The following GARIN3 variants were observed in gnomAD, a reference collection of about 807,000 sequenced individuals.
The protein encoded by GARIN3 is Golgi-associated RAB2 interactor protein 3.
the GARIN3 span, among the ~76,000 whole-genome samples, chr5:157,163,901 C>A: frequency 6.6e-6 from 1 of 151,944 alleles, no homozygotes; most frequent in Non-Finnish European, 1.5e-5. Flanking sequence ...ACTAAAAATA[C>A]AAAAAATTAG....
chr5:157,163,228 A>C, the GARIN3 span: 1 of 1,613,988 alleles, frequency 6.2e-7, no homozygotes, highest in Admixed American at 1.7e-5. Flanking sequence ...TGCAGCACCC[A>C]CCAAGGCCAA....
At chr5:157,162,656 A>C in the GARIN3 span, 1 of 1,614,198 alleles carries the variant, frequency 6.2e-7, no homozygotes, top group Non-Finnish European at 8.5e-7. Flanking sequence ...CTCCTTAAAA[A>C]AGAGCTGATC....
chr5:157,166,212 C>T, the GARIN3 span: 2 of 1,572,614 alleles, frequency 1.3e-6, no homozygotes, highest in African/African-American at 1.4e-5. Flanking sequence ...CAAATAGAGT[C>T]CCCGAGAGAG....
the GARIN3 span, chr5:157,163,037 C>T: frequency 6.2e-7 from 1 of 1,614,274 alleles, no homozygotes; most frequent in East Asian, 2.2e-5. Context: ...CCATCTCGTT[C>T]ACTCATGTAG....
At chr5:157,163,717 T>G in the GARIN3 span, 2 of 1,545,558 alleles carry the variant, frequency 1.3e-6, no homozygotes, top group Non-Finnish European at 1.7e-6. Flanking sequence ...AGATCAGAAC[T>G]TTCTACTCCT....
At chr5:157,166,176 T>C in the GARIN3 span, 1 of 1,600,800 alleles carries the variant, frequency 6.2e-7, no homozygotes, top group Non-Finnish European at 8.5e-7. Context: ...CATGGTTCTC[T>C]TCGTTTAAGA....
At chr5:157,162,282 G>T in the GARIN3 span, 1 of 1,062,682 alleles carries the variant, frequency 9.4e-7, no homozygotes, top group Non-Finnish European at 1.3e-6. Flanking sequence ...AGAAGCCACT[G>T]TGAGGTCACC....
chr5:157,166,084 G>A, the GARIN3 span: 4 of 1,614,186 alleles, frequency 2.5e-6, no homozygotes, highest in Non-Finnish European at 3.4e-6. Flanking sequence ...AATTGTCGTT[G>A]CAGGTCCCCC....
the GARIN3 span, chr5:157,161,943 C>T: frequency 6.5e-6 from 1 of 153,826 alleles, no homozygotes; most frequent in Admixed American, 6.5e-5. Context: ...GAATAGATTT[C>T]CTATTCTAAT....
chr5:157,165,544 G>C, the GARIN3 span: 2 of 1,586,984 alleles, frequency 1.3e-6, no homozygotes, highest in African/African-American at 2.7e-5. Context: ...CCATGTTCTC[G>C]AGCCTTTGAG....
the GARIN3 span, chr5:157,166,259 A>G: frequency 7.6e-5 from 115 of 1,514,112 alleles, no homozygotes; most frequent in Non-Finnish European, 9.8e-5. Flanking sequence ...TCCCTACAGG[A>G]CTTCTGCCTA....
the GARIN3 span, chr5:157,163,180 C>T: frequency 1.2e-6 from 2 of 1,614,150 alleles, no homozygotes; most frequent in Non-Finnish European, 1.7e-6. Flanking sequence ...ACTGGCGGCC[C>T]CCGCCATCGA....
chr5:157,163,150 A>G, the GARIN3 span: 1 of 1,614,156 alleles, frequency 6.2e-7, no homozygotes, highest in Non-Finnish European at 8.5e-7. Flanking sequence ...CGCCGCACTC[A>G]AGCTGCTGTC....
the GARIN3 span, chr5:157,166,111 C>T: frequency 1.2e-6 from 2 of 1,614,194 alleles, no homozygotes; most frequent in Non-Finnish European, 1.7e-6. Flanking sequence ...GTTTTGAACG[C>T]ACTCATTGAA....
the GARIN3 span, chr5:157,166,109 C>T: frequency 3.1e-3 from 4,925 of 1,614,166 alleles, 9 homozygotes; most frequent in Non-Finnish European, 3.6e-3. Flanking sequence ...AGGTTTTGAA[C>T]GCACTCATTG....
the GARIN3 span, chr5:157,165,991 C>T: frequency 6.2e-7 from 1 of 1,614,140 alleles, no homozygotes; most frequent in Non-Finnish European, 8.5e-7. Context: ...ACATCAATCA[C>T]CTCTCCCTTT....
chr5:157,165,228 A>C, the GARIN3 span, among the ~76,000 whole-genome samples: 1 of 152,226 alleles, frequency 6.6e-6, no homozygotes, highest in Non-Finnish European at 1.5e-5. Context: ...ATACAAATAA[A>C]AGTTCCACAA....
chr5:157,162,996 T>C, the GARIN3 span: 1 of 1,614,258 alleles, frequency 6.2e-7, no homozygotes, highest in South Asian at 1.1e-5. Flanking sequence ...CATTCCAGAC[T>C]TCAGCACTGG....
At chr5:157,166,155 G>C in the GARIN3 span, 2 of 1,609,824 alleles carry the variant, frequency 1.2e-6, no homozygotes, top group Non-Finnish European at 1.7e-6. Context: ...AGGTAAACAA[G>C]ATTCATTGCT....
Sources: allele counts gnomAD v4.1 joint callset (sites outside exome capture counted in the v4.1 genomes callset), GRCh38; gene constraint gnomAD v4.1.1; transcripts MANE v1.5; gene names NCBI Gene and HGNC (gene_info 2026-07-23, HGNC 2026-07-21).